The following NUS1 variants were observed in gnomAD, a reference collection of about 807,000 sequenced individuals.
NUS1 encodes NUS1 dehydrodolichyl diphosphate synthase subunit, also known as dehydrodolichyl diphosphate synthase complex subunit NUS1.
For missense variants in NUS1, 292 were observed against 382.9 expected, an observed-to-expected ratio of 0.76 and a Z score of 1.98; for synonymous variants, 135 against 155.2, an observed-to-expected ratio of 0.87 and a Z score of 0.97.
chr6:117,690,314 G>T (rs1033035213), intron 1 of NUS1, among the ~76,000 whole-genome samples: 17 of 152,070 alleles, frequency 1.1e-4, no homozygotes, highest in African/African-American at 4.1e-4. Context: ...TGCCATCTTA[G>T]CCTTCTACTT....
chr6:117,691,208 C>G (rs1173965150), intron 1 of NUS1, among the ~76,000 whole-genome samples: 2 of 151,942 alleles, frequency 1.3e-5, no homozygotes, highest in East Asian at 3.9e-4. Context: ...TCTAAATATG[C>G]ACATTTTTAT....
chr6:117,691,558 G>GATATATATATAGATATAT (rs1554201817), intron 1 of NUS1, among the ~76,000 whole-genome samples: 9 of 136,976 alleles, frequency 6.6e-5, no homozygotes, highest in Non-Finnish European at 1.4e-4. Flanking sequence ...CATAGATATA[G>GATATATATATAGATATAT]ATATATATAT....
intron 3 of NUS1, among the ~76,000 whole-genome samples, chr6:117,701,887 A>T (rs1298182181): frequency 6.6e-6 from 1 of 152,074 alleles, no homozygotes; most frequent in Non-Finnish European, 1.5e-5. Context: ...TTATGTCTAC[A>T]TAGCTTAGTG....
At chr6:117,689,088 G>A (rs1773180186) in intron 1 of NUS1, among the ~76,000 whole-genome samples, 1 of 152,190 alleles carries the variant, frequency 6.6e-6, no homozygotes, top group Non-Finnish European at 1.5e-5. Flanking sequence ...GCCATTCAAG[G>A]AGCCAGGTTA....
intron 1 of NUS1, among the ~76,000 whole-genome samples, chr6:117,676,831 T>C (rs945855134): frequency 5.9e-5 from 9 of 152,216 alleles, no homozygotes; most frequent in African/African-American, 1.7e-4. Context: ...CCAGGCGCTG[T>C]TCTTAAGTCG....
At chr6:117,701,695 C>T (rs1206534244) in intron 3 of NUS1, among the ~76,000 whole-genome samples, 4 of 152,058 alleles carry the variant, frequency 2.6e-5, no homozygotes, top group African/African-American at 4.8e-5. Context: ...CTTAGAAATA[C>T]ACTTGTTTCT....
rs1484578370 is a variant in NUS1 at position 117,695,177 on chromosome 6, G to A, written c.691+997G>A. Among the ~76,000 whole-genome samples, 128 of 132,938 alleles carry A rather than the reference G, an allele frequency of 9.6e-4. 2 individuals are homozygous for A. In the Admixed American group the frequency reaches 0.01, roughly 11 times the overall value. The allele number at this position is 132,938 out of a possible 152,430, so 87.2% of individuals were successfully genotyped here. A position where few individuals can be genotyped will look rare whatever the true frequency, so the allele number is the denominator to read the frequency against. ...TCAGTACACTCTAGCCTGGGTGACG[G>A]AGTGAGACCCTGTCTCAAAAAAAAA... On this transcript the variant is annotated intron_variant, in intron 3 of 4. Coordinates refer to ENST00000368494, the MANE Select transcript of NUS1 (RefSeq NM_138459.5).
At chr6:117,678,565 C>G (rs989696634) in intron 1 of NUS1, among the ~76,000 whole-genome samples, 4 of 151,668 alleles carry the variant, frequency 2.6e-5, no homozygotes, top group African/African-American at 9.7e-5. Flanking sequence ...ATAGGGAGGC[C>G]AAGGAGAGGC....
chr6:117,706,630 C>T (rs1773504601), intron 4 of NUS1, among the ~76,000 whole-genome samples: 1 of 152,112 alleles, frequency 6.6e-6, no homozygotes, highest in South Asian at 2.1e-4. Context: ...ATAATTTACC[C>T]TCAGAGCAGA....
chr6:117,678,213 C>T (rs1221995831), intron 1 of NUS1, among the ~76,000 whole-genome samples: 2 of 152,132 alleles, frequency 1.3e-5, no homozygotes, highest in Non-Finnish European at 2.9e-5. Flanking sequence ...AAAGGGCTTA[C>T]AGGATTTTGT....
In NUS1 at chr6:117,696,870, C is replaced by A. The variant is rs116182501; in HGVS notation, c.691+2690C>A. Among the ~76,000 whole-genome samples the A allele has an allele frequency of 5.5e-3, 836 of 152,036 alleles. 10 individuals are homozygous for A. The highest frequency in any genetic ancestry group is 0.019 in the African/African-American group (782 of 41,508). Reference sequence around the variant, plus strand: ...GTAATAGTAAGTACACAGAATGTTACAGAACTGTAACTGTGGTGTATAAAA... The same window carrying A: ...GTAATAGTAAGTACACAGAATGTTAAAGAACTGTAACTGTGGTGTATAAAA... On this transcript the variant is annotated intron_variant, in intron 3 of 4. Coordinates refer to ENST00000368494, the MANE Select transcript of NUS1 (RefSeq NM_138459.5).
At chr6:117,684,711 G>A (rs964787762) in intron 1 of NUS1, among the ~76,000 whole-genome samples, 3 of 152,186 alleles carry the variant, frequency 2.0e-5, no homozygotes, top group African/African-American at 7.2e-5. Context: ...CCTCGAATGT[G>A]ATGAGAAACC....
intron 4 of NUS1, among the ~76,000 whole-genome samples, chr6:117,705,295 A>G (rs1773483150): frequency 6.6e-6 from 1 of 152,210 alleles, no homozygotes; most frequent in Non-Finnish European, 1.5e-5. Context: ...GTCTCCAAGT[A>G]TGGCAGCAGT....
intron 1 of NUS1, among the ~76,000 whole-genome samples, chr6:117,691,801 C>A (rs1363758345): frequency 6.6e-6 from 1 of 151,196 alleles, no homozygotes; most frequent in Admixed American, 6.6e-5. Flanking sequence ...TATAATTGAA[C>A]ATGTAACATA....
rs1252850305 is a variant in NUS1, at chr6:117,694,351, T to A, written c.691+171T>A. On this transcript the variant is annotated intron_variant, in intron 3 of 4. Coordinates refer to ENST00000368494, the MANE Select transcript of NUS1 (RefSeq NM_138459.5). ...AATTTCTGAAATTTAAAGACCTATG[T>A]AAAAATGGTTTCGAGACAATGAAAT... Among the ~76,000 whole-genome samples, 24 of 152,124 alleles carry A rather than the reference T, an allele frequency of 1.6e-4. 1 individual carries two copies. Among genetic ancestry groups the A allele is most frequent in the Admixed American group, 1.6e-3 (24 of 15,278 alleles).
chr6:117,691,556 T>C lies in NUS1; in HGVS notation c.416-1486T>C, dbSNP rs111695282. ...TTCAGCAGGTTCTGTGCCATAGATA[T>C]AGATATATATATATATATATATATA... On this transcript the variant is annotated intron_variant, in intron 1 of 4. Coordinates refer to ENST00000368494, the MANE Select transcript of NUS1 (RefSeq NM_138459.5). 5.5e-5 allele frequency among the ~76,000 whole-genome samples: 2 copies of C among 36,156 alleles called. 1 individual carries two copies. Among genetic ancestry groups the C allele is most frequent in the African/African-American group, 1.3e-4 (2 of 15,912 alleles). The allele number at this position is 36,156 out of a possible 152,430, so 23.7% of individuals were successfully genotyped here.
chr6:117,682,745 A>G (rs1314845894), intron 1 of NUS1, among the ~76,000 whole-genome samples: 1 of 152,232 alleles, frequency 6.6e-6, no homozygotes, highest in Non-Finnish European at 1.5e-5. Flanking sequence ...TTCCAAATCT[A>G]GTAAGGAGCA....
intron 1 of NUS1, among the ~76,000 whole-genome samples, chr6:117,676,532 C>T (rs1772984505): frequency 6.6e-6 from 1 of 152,132 alleles, no homozygotes; most frequent in Admixed American, 6.5e-5. Flanking sequence ...GAGCCGAGAT[C>T]GCGCCACTGC....
At chr6:117,679,289 T>A (rs565360247) in intron 1 of NUS1, among the ~76,000 whole-genome samples, 1 of 152,222 alleles carries the variant, frequency 6.6e-6, no homozygotes, top group East Asian at 1.9e-4. Flanking sequence ...AAAGATAGAA[T>A]TGGGATTGGC....
Sources: allele counts gnomAD v4.1 joint callset (sites outside exome capture counted in the v4.1 genomes callset), GRCh38; gene constraint gnomAD v4.1.1; transcripts MANE v1.5; gene names NCBI Gene and HGNC (gene_info 2026-07-23, HGNC 2026-07-21).